PAX5: variants seen among roughly 807,000 people sequenced by gnomAD.
PAX5 encodes the protein paired box 5, also known as paired box protein Pax-5.
In PAX5, 9 loss-of-function variants were observed where a neutral mutation model predicts 43.7. The ratio of observed to expected loss-of-function variants is 0.21; its 90% CI spans 0.12 to 0.36. The LOEUF (loss-of-function observed/expected upper bound fraction) is 0.36, where lower values mean the gene tolerates loss of function less well. Ranked by LOEUF, PAX5 falls within the 10% of genes least tolerant of loss-of-function variation. The probability of loss-of-function intolerance (pLI) is 1.00; values close to 1 mark genes in which losing one functional copy is unlikely to be tolerated. For synonymous variants in PAX5, 228 were observed against 214.3 expected, an observed-to-expected ratio of 1.06 and a Z score of -0.56; for missense variants, 383 against 532.7, an observed-to-expected ratio of 0.72 and a Z score of 2.77.
rs558939814 is a variant in PAX5 at position 36,917,992 on chromosome 9, G to T, written c.910+5363C>A. ...ATAAGATGGAAAACTTCCAATAAAT[G>T]CTGTGTGTGTTCTGACTGCTCATCA... is the stretch of plus-strand genomic sequence containing the variant. On this transcript the variant is annotated intron_variant, in intron 7 of 9. Transcript: ENST00000358127. Among the ~76,000 whole-genome samples the T allele has an allele frequency of 3.2e-4, 48 of 152,238 alleles. 2 individuals are homozygous for T. Among genetic ancestry groups the T allele is most frequent in the Non-Finnish European group, 6.3e-4 (43 of 68,024 alleles).
At chr9:37,031,566 G>A (rs1395346733) in intron 1 of PAX5, among the ~76,000 whole-genome samples, 1 of 152,080 alleles carries the variant, frequency 6.6e-6, no homozygotes, top group Admixed American at 6.5e-5. Context: ...CATGGAGAGA[G>A]GGGGGAATCT....
rs949370913 is a variant in PAX5, at chr9:36,963,515, G to A, written c.780+3034C>T. ...CCTGCGGGCTCTGAGTCCACAGCACGCTGCCCCTGCGAGACTGGACAGAGC... is the reference window on the plus strand; with the variant it reads ...CCTGCGGGCTCTGAGTCCACAGCACACTGCCCCTGCGAGACTGGACAGAGC... On this transcript the variant is annotated intron_variant, in intron 6 of 9. Transcript: ENST00000358127. Among the ~76,000 whole-genome samples the A allele has an allele frequency of 3.3e-5, 5 of 152,290 alleles. No homozygotes were observed. The East Asian group carries it at 9.6e-4, about 29-fold the overall frequency.
intron 5 of PAX5, among the ~76,000 whole-genome samples, chr9:36,991,448 G>A (rs908153825): frequency 9.9e-5 from 15 of 152,112 alleles, no homozygotes; most frequent in Non-Finnish European, 1.2e-4. Flanking sequence ...AGGTCACACA[G>A]CAAGTAAAGG....
In PAX5 at chr9:36,932,992, C is replaced by T. The variant is rs1831248864; in HGVS notation, c.781-9508G>A. On this transcript the variant is annotated intron_variant, in intron 6 of 9. Transcript: ENST00000358127. ...CCAATATGATGAAACCCCATCTCTACTAAAAATACAAAAATAGTCAGGCTG... is the reference window on the plus strand; with the variant it reads ...CCAATATGATGAAACCCCATCTCTATTAAAAATACAAAAATAGTCAGGCTG... 3.3e-5 allele frequency among the ~76,000 whole-genome samples: 5 copies of T among 151,804 alleles called. No individual in the cohort carries two copies. The South Asian group carries it at 1.0e-3, about 32-fold the overall frequency.
At chr9:36,917,937 T>C (rs1829851270) in intron 7 of PAX5, among the ~76,000 whole-genome samples, 1 of 152,194 alleles carries the variant, frequency 6.6e-6, no homozygotes, top group African/African-American at 2.4e-5. Context: ...CCTATTCTAA[T>C]TGTTTCAGGG....
chr9:37,002,983 G>A, intron 4 of PAX5: 1 of 566,774 alleles, frequency 1.8e-6, no homozygotes, highest in Non-Finnish European at 3.1e-6. Context: ...CTCTGCGATG[G>A]GGGGAGAAAG....
chr9:36,876,026 T>C (rs1825880434), intron 8 of PAX5, among the ~76,000 whole-genome samples: 1 of 152,172 alleles, frequency 6.6e-6, no homozygotes, highest in African/African-American at 2.4e-5. Context: ...GGCCTCTCTA[T>C]GGAAGGGAAA....
chr9:36,940,760 G>C (rs758968168), intron 6 of PAX5, among the ~76,000 whole-genome samples: 1 of 152,116 alleles, frequency 6.6e-6, no homozygotes, highest in African/African-American at 2.4e-5. Context: ...AATCATCTCC[G>C]TCCAGGAGTC....
chr9:36,907,613 T>C (rs1319464102), intron 7 of PAX5, among the ~76,000 whole-genome samples: 1 of 152,242 alleles, frequency 6.6e-6, no homozygotes, highest in Non-Finnish European at 1.5e-5. Context: ...AAGTCCATGC[T>C]GGTTCGTCCA....
chr9:36,842,511 C>A (rs538105151), intron 9 of PAX5, among the ~76,000 whole-genome samples: 1 of 152,206 alleles, frequency 6.6e-6, no homozygotes, highest in South Asian at 2.1e-4. Flanking sequence ...GACCCTCCAG[C>A]GGGCCTCCGT....
Position 36,839,907 on chromosome 9 carries a change from G to C in PAX5, c.*653C>G, listed in dbSNP as rs1821906285. ...TGCTCCTCTTGGAGAGGGGCCTCAG[G>C]GGGAGCCTGCAGCACAACCAGCCCA... On this transcript the variant is annotated 3_prime_UTR_variant, in exon 10 of 10. Coordinates refer to ENST00000358127, the MANE Select transcript of PAX5 (RefSeq NM_016734.3). 1 of 234,826 alleles carries C rather than the reference G, an allele frequency of 4.3e-6. No homozygotes were observed. 14.5% of individuals were successfully genotyped at this position (234,826 alleles called of 1,614,324 possible). A position where few individuals can be genotyped will look rare whatever the true frequency, so the allele number is the denominator to read the frequency against.
At chr9:36,962,591 C>A (rs1020833991) in intron 6 of PAX5, among the ~76,000 whole-genome samples, 27 of 152,152 alleles carry the variant, frequency 1.8e-4, no homozygotes, top group African/African-American at 6.5e-4. Context: ...TCGGCTGCTG[C>A]AGCTGTTCTT....
At chr9:36,957,122 G>A (rs913869112) in intron 6 of PAX5, among the ~76,000 whole-genome samples, 2 of 152,218 alleles carry the variant, frequency 1.3e-5, no homozygotes, top group Admixed American at 1.3e-4. Context: ...CTGGTGGGCG[G>A]CATCGCTGTG....
chr9:36,961,143 C>A (rs1384720430), intron 6 of PAX5, among the ~76,000 whole-genome samples: 1 of 152,228 alleles, frequency 6.6e-6, no homozygotes. Context: ...TCCCTGATGA[C>A]CAAGCTCAAC....
At position 37,001,572 on chromosome 9, in the gene PAX5, C is replaced by T. The variant is rs375864346; in HGVS notation, c.604+1076G>A. Among the ~76,000 whole-genome samples the T allele has an allele frequency of 3.3e-4, 50 of 152,348 alleles. No individual in the cohort carries two copies. In the South Asian group the frequency reaches 9.7e-3, roughly 30 times the overall value. Reference sequence around the variant, plus strand: ...CGCAAATCTTCCCCACACACCCCCACGGTTCCAAACCGAGGCCACCGGCTC... The same window carrying T: ...CGCAAATCTTCCCCACACACCCCCATGGTTCCAAACCGAGGCCACCGGCTC... On this transcript the variant is annotated intron_variant, in intron 5 of 9. Coordinates refer to ENST00000358127, the MANE Select transcript of PAX5 (RefSeq NM_016734.3).
chr9:37,032,085 C>T (rs1564099590), intron 1 of PAX5, among the ~76,000 whole-genome samples: 1 of 152,182 alleles, frequency 6.6e-6, no homozygotes, highest in Non-Finnish European at 1.5e-5. Flanking sequence ...AGCTCTTCCC[C>T]AACCCATCAG....
At chr9:36,906,632 G>A (rs1214677983) in intron 7 of PAX5, among the ~76,000 whole-genome samples, 4 of 152,198 alleles carry the variant, frequency 2.6e-5, no homozygotes, top group African/African-American at 9.7e-5. Context: ...ACTGCAGGAG[G>A]TCAATGGAAC....
intron 1 of PAX5, among the ~76,000 whole-genome samples, chr9:37,023,680 C>A (rs1262435031): frequency 3.3e-5 from 5 of 152,144 alleles, no homozygotes; most frequent in African/African-American, 9.7e-5. Flanking sequence ...CTCCCAATAC[C>A]CCCAAAGACC....
intron 5 of PAX5, among the ~76,000 whole-genome samples, chr9:36,986,713 G>A (rs1266678281): frequency 2.0e-5 from 3 of 152,158 alleles, no homozygotes; most frequent in Non-Finnish European, 1.5e-5. Context: ...CCCGGACCGC[G>A]GGGCCGAGGA....
Sources: allele counts gnomAD v4.1 joint callset (sites outside exome capture counted in the v4.1 genomes callset), GRCh38; gene constraint gnomAD v4.1.1; transcripts MANE v1.5; gene names NCBI Gene and HGNC (gene_info 2026-07-23, HGNC 2026-07-21).